DTWD1: variants seen among roughly 807,000 people sequenced by gnomAD.
The protein encoded by DTWD1 is DTW motif tRNA-uridine aminocarboxypropyltransferase 1.
DTWD1 carries 27 observed loss-of-function variants against 30.2 expected under a neutral mutation model. The observed-to-expected ratio is 0.90, with a 90% CI of 0.66 to 1.23. The LOEUF (loss-of-function observed/expected upper bound fraction) is 1.23. DTWD1 is among the 50% of genes most tolerant of loss of function. DTWD1 has a pLI of 0.00. For missense variants in DTWD1, 342 were observed against 348.8 expected, an observed-to-expected ratio of 0.98 and a Z score of 0.15; for synonymous variants, 99 against 113.1, an observed-to-expected ratio of 0.88 and a Z score of 0.79.
At position 49,643,446 on chromosome 15, in the gene DTWD1, C is replaced by A. The variant is rs774229052; in HGVS notation, c.783C>A (p.Tyr261Ter). The change falls in exon 5 of 5, where the codon TAC becomes TAA. Residue 261 changes from tyrosine (Y) to a stop codon, truncating the protein, a stop_gained. Transcript: ENST00000403028. LOFTEE classifies it high-confidence loss of function. ...CCATTTACTACTTTCTGGTAGACTA[C>A]CATACTGATATATTAAAAGAGAAAT... is the stretch of plus-strand genomic sequence containing the variant. The part of the protein sequence containing the change: ...IEAIYYFLVD[Y>*]HTDILKEKYR... 1 of 1,608,942 alleles carries A rather than the reference C, an allele frequency of 6.2e-7. No homozygotes were observed. The highest frequency in any genetic ancestry group is 8.5e-7 in the Non-Finnish European group (1 of 1,177,740).
rs1018381488 is a variant in DTWD1 at position 49,646,664 on chromosome 15, C to T, written c.*3086C>T. On this transcript the variant is annotated 3_prime_UTR_variant, in exon 5 of 5. Transcript: ENST00000403028. ...TCTTCTGATGGACTGTATAGAGACA[C>T]TGTTTTTCATCTTGCCTGTCCAGAA... The T allele has an allele frequency of 1.3e-5, 2 of 152,238 alleles. No individual in the cohort carries two copies. The highest frequency in any genetic ancestry group is 4.1e-4 in the South Asian group (2 of 4,826). The allele number at this position is 152,238 out of a possible 1,614,324, so 9.4% of individuals were successfully genotyped here. A position where few individuals can be genotyped will look rare whatever the true frequency, so the allele number is the denominator to read the frequency against.
chr15:49,625,299 A>G lies in DTWD1; in HGVS notation c.132A>G (p.Gln44=), dbSNP rs1168420148. The part of the protein sequence containing the change: ...DPLQNLCLAS[Q]EVLQKAQQSG... ...TTCAAAACTTATGTTTAGCATCTCA[A>G]GAAGTTCTTCAAAAAGCTCAGCAAA... is the stretch of plus-strand genomic sequence containing the variant. The change falls in exon 2 of 5, where the codon CAA becomes CAG. Residue 44 remains glutamine (Q), a synonymous_variant. Transcript: ENST00000403028. 9.9e-6 allele frequency: 16 copies of G among 1,613,614 alleles called. No homozygotes were observed. Among genetic ancestry groups the G allele is most frequent in the Non-Finnish European group, 1.4e-5 (16 of 1,179,828 alleles).
rs919344247 is a variant in DTWD1 at position 49,650,942 on chromosome 15, C to T, written c.*7364C>T. Reference sequence around the variant, plus strand: ...TGATCTGAGCTGCCAATGAGAATCCCATCACATGTGGCACATGGAACAAAA... The same window carrying T: ...TGATCTGAGCTGCCAATGAGAATCCTATCACATGTGGCACATGGAACAAAA... On this transcript the variant is annotated 3_prime_UTR_variant, in exon 5 of 5. Transcript: ENST00000403028. 6.6e-6 allele frequency: 1 copy of T among 152,140 alleles called. No homozygotes were observed. Among genetic ancestry groups the T allele is most frequent in the African/African-American group, 2.4e-5 (1 of 41,430 alleles). 9.4% of individuals were successfully genotyped at this position (152,140 alleles called of 1,614,324 possible).
intron 1 of DTWD1, among the ~76,000 whole-genome samples, chr15:49,623,257 A>G (rs1444208088): frequency 1.3e-5 from 2 of 152,174 alleles, no homozygotes; most frequent in African/African-American, 4.8e-5. Context: ...CATCTGAATA[A>G]CTCAGGACTA....
At chr15:49,640,295 A>G (rs1177547368) in intron 4 of DTWD1, among the ~76,000 whole-genome samples, 1 of 152,018 alleles carries the variant, frequency 6.6e-6, no homozygotes, top group African/African-American at 2.4e-5. Flanking sequence ...GCTATAGTTT[A>G]TTCTATTTCA....
rs1327016815 is a variant in DTWD1 at position 49,651,577 on chromosome 15, A to T, written c.*7999A>T. The stretch of plus-strand genomic sequence containing the variant: ...TGTCCAACCTACAAGCAACACAGAC[A>T]ATACTGCACCCCTGATATAATACCA... On this transcript the variant is annotated 3_prime_UTR_variant, in exon 5 of 5. Transcript: ENST00000403028. 2 of 152,110 alleles carry T rather than the reference A, an allele frequency of 1.3e-5. No individual in the cohort carries two copies. Among genetic ancestry groups the T allele is most frequent in the Non-Finnish European group, 2.9e-5 (2 of 68,040 alleles). 9.4% of individuals were successfully genotyped at this position (152,110 alleles called of 1,614,324 possible). A position where few individuals can be genotyped will look rare whatever the true frequency, so the allele number is the denominator to read the frequency against.
At chr15:49,623,598 G>C (rs1255075498) in intron 1 of DTWD1, 1 of 152,170 alleles carries the variant, frequency 6.6e-6, no homozygotes, top group Non-Finnish European at 1.5e-5. Flanking sequence ...CTGGGTCGTA[G>C]ATGGACTCTA....
intron 4 of DTWD1, among the ~76,000 whole-genome samples, chr15:49,639,631 A>G (rs1428631460): frequency 6.6e-6 from 1 of 152,228 alleles, no homozygotes; most frequent in Non-Finnish European, 1.5e-5. Flanking sequence ...ATACTAGGGT[A>G]TAAAAAATAT....
In DTWD1 at chr15:49,648,025, A is replaced by G. The variant is rs1019415195; in HGVS notation, c.*4447A>G. On this transcript the variant is annotated 3_prime_UTR_variant, in exon 5 of 5. Coordinates refer to ENST00000403028, the MANE Select transcript of DTWD1 (RefSeq NM_001144955.2). ...ATCTTAGTTAAAAGTTGTAAATGCAACCATAGGCTACATGTTACATTGTAT... is the reference window on the plus strand; with the variant it reads ...ATCTTAGTTAAAAGTTGTAAATGCAGCCATAGGCTACATGTTACATTGTAT... 10 of 152,146 alleles carry G rather than the reference A, an allele frequency of 6.6e-5. No individual in the cohort carries two copies. The South Asian group carries it at 8.3e-4, about 13-fold the overall frequency. 9.4% of individuals were successfully genotyped at this position (152,146 alleles called of 1,614,324 possible).
intron 4 of DTWD1, among the ~76,000 whole-genome samples, chr15:49,636,943 T>C (rs1318581489): frequency 6.6e-6 from 1 of 152,214 alleles, no homozygotes; most frequent in Non-Finnish European, 1.5e-5. Flanking sequence ...TGGTAATCTA[T>C]GGGGTGATGT....
chr15:49,622,434 A>G (rs530092328), intron 1 of DTWD1, among the ~76,000 whole-genome samples: 6 of 152,314 alleles, frequency 3.9e-5, no homozygotes, highest in African/African-American at 1.2e-4. Flanking sequence ...CAACTTGGTG[A>G]GTATAATTAA....
In DTWD1 at chr15:49,621,063, G is replaced by C. The variant is rs1033344500; in HGVS notation, c.-115G>C. Reference sequence around the variant, plus strand: ...GTGCGCGATCACGGCCCGGCGCGTGGCTCGGGCTCGGGCGGAGCTGGAGAC... The same window carrying C: ...GTGCGCGATCACGGCCCGGCGCGTGCCTCGGGCTCGGGCGGAGCTGGAGAC... On this transcript the variant is annotated 5_prime_UTR_variant, in exon 1 of 5. Coordinates refer to ENST00000403028, the MANE Select transcript of DTWD1 (RefSeq NM_001144955.2). 10 of 152,560 alleles carry C rather than the reference G, an allele frequency of 6.6e-5. 1 individual carries two copies. The highest frequency in any genetic ancestry group is 2.4e-4 in the African/African-American group (10 of 41,486). 9.5% of individuals were successfully genotyped at this position (152,560 alleles called of 1,614,324 possible).
rs577359475 is a variant in DTWD1 at position 49,644,394 on chromosome 15, A to G, written c.*816A>G. ...GTCAGCGAAGGAAAGCAGAGTGGAG[A>G]GAAAAAGAGAGACTGAGTCCTGATG... On this transcript the variant is annotated 3_prime_UTR_variant, in exon 5 of 5. Transcript: ENST00000403028. 6.6e-6 allele frequency: 1 copy of G among 152,050 alleles called. No individual in the cohort carries two copies. Among genetic ancestry groups the G allele is most frequent in the South Asian group, 2.1e-4 (1 of 4,828 alleles). The allele number at this position is 152,050 out of a possible 1,614,324, so 9.4% of individuals were successfully genotyped here. A position where few individuals can be genotyped will look rare whatever the true frequency, so the allele number is the denominator to read the frequency against.
chr15:49,626,949 A>T (rs1325026872), intron 2 of DTWD1: 2 of 261,276 alleles, frequency 7.7e-6, no homozygotes, highest in African/African-American at 4.4e-5. Context: ...ATTTTGAAGT[A>T]TGGTTTTTGA....
At chr15:49,639,651 A>G (rs973803073) in intron 4 of DTWD1, among the ~76,000 whole-genome samples, 3 of 152,236 alleles carry the variant, frequency 2.0e-5, no homozygotes, top group Non-Finnish European at 2.9e-5. Context: ...TTTTGCATTC[A>G]AGAAACTGAA....
chr15:49,622,101 A>T (rs886652083), intron 1 of DTWD1, among the ~76,000 whole-genome samples: 9 of 152,296 alleles, frequency 5.9e-5, no homozygotes, highest in African/African-American at 1.9e-4. Context: ...ATACTTCAGT[A>T]GTGAGATGCT....
Position 49,646,563 on chromosome 15 carries a change from C to G in DTWD1, c.*2985C>G, listed in dbSNP as rs915627315. On this transcript the variant is annotated 3_prime_UTR_variant, in exon 5 of 5. Coordinates refer to ENST00000403028, the MANE Select transcript of DTWD1 (RefSeq NM_001144955.2). ...TGTTAAAAGGGCTAGGCGATGTAGT[C>G]TGGTAGGTTTGTGAAGTTAACTGTC... 6.6e-6 allele frequency: 1 copy of G among 152,236 alleles called. No individual in the cohort carries two copies. Among genetic ancestry groups the G allele is most frequent in the South Asian group, 2.1e-4 (1 of 4,828 alleles). 9.4% of individuals were successfully genotyped at this position (152,236 alleles called of 1,614,324 possible).
intron 4 of DTWD1, among the ~76,000 whole-genome samples, chr15:49,638,327 C>A (rs1217634602): frequency 6.6e-6 from 1 of 152,134 alleles, no homozygotes; most frequent in Admixed American, 6.6e-5. Flanking sequence ...CTTCCCAATT[C>A]ACATGGAAAG....
chr15:49,637,816 C>G (rs777688072), intron 4 of DTWD1, among the ~76,000 whole-genome samples: 2 of 152,168 alleles, frequency 1.3e-5, no homozygotes, highest in African/African-American at 4.8e-5. Context: ...TTCATTAATT[C>G]CAAGCTGAAG....
Sources: gnomAD v4.1 joint callset for allele counts (sites outside exome capture counted in the v4.1 genomes callset) on GRCh38, gnomAD v4.1.1 for gene constraint, MANE v1.5 for transcripts, NCBI Gene and HGNC (gene_info 2026-07-23, HGNC 2026-07-21) for gene names.